The following PLEKHA6 variants were observed in gnomAD, a reference collection of about 807,000 sequenced individuals.
PLEKHA6 encodes pleckstrin homology domain-containing family A member 6.
PLEKHA6 carries 60 observed loss-of-function variants against 116.7 expected under a neutral mutation model. The observed-to-expected ratio is 0.51, with a 90% confidence interval of 0.42 to 0.64. The LOEUF (loss-of-function observed/expected upper bound fraction) is 0.64, where lower values mean the gene tolerates loss of function less well. Among genes scored for constraint, PLEKHA6 ranks in the 30% least tolerant of loss-of-function variants. The pLI is 0.00. For missense variants in PLEKHA6, 1,338 were observed against 1,422.7 expected (o/e 0.94, Z 0.96); for synonymous variants, 489 against 556.1 (o/e 0.88, Z 1.70).
At chr1:204,267,816 G>A (rs911624875) in intron 4 of PLEKHA6, among the ~76,000 whole-genome samples, 1 of 152,176 alleles carries the variant, frequency 6.6e-6, no homozygotes, top group African/African-American at 2.4e-5. Context: ...GTGAGTGGAA[G>A]GGCAGGCAGG....
chr1:204,302,354 A>C lies in PLEKHA6; in HGVS notation c.-94-27545T>G, dbSNP rs1670899628. Among the ~76,000 whole-genome samples the C allele has an allele frequency of 1.3e-5, 2 of 152,168 alleles. 1 individual carries two copies. Among genetic ancestry groups the C allele is most frequent in the Admixed American group, 1.3e-4 (2 of 15,274 alleles). On this transcript the variant is annotated intron_variant, in intron 1 of 22. Transcript: ENST00000272203. ...CCAGGAATATCCTTGTTGACCTTGCATGTGTCATGTTGCCCAGGCTGGTCT... is the reference window on the plus strand; with the variant it reads ...CCAGGAATATCCTTGTTGACCTTGCCTGTGTCATGTTGCCCAGGCTGGTCT...
rs1184979092 is a variant in PLEKHA6 at position 204,259,188 on chromosome 1, C to T, written c.1007+70G>A. On this transcript the variant is annotated intron_variant, in intron 8 of 22. Coordinates refer to ENST00000272203, the MANE Select transcript of PLEKHA6 (RefSeq NM_014935.5). The surrounding 1 kb of genome is among the most constrained non-coding windows in gnomAD (Gnocchi z 4.6). ...TTTCCAACAGGGGATGCCTCGTGGG[C>T]TATGACCCCACTCGCACGCTCTAGC... 7 of 1,526,288 alleles carry T rather than the reference C, an allele frequency of 4.6e-6. No individual in the cohort carries two copies. The highest frequency in any genetic ancestry group is 2.3e-5 in the East Asian group (1 of 44,034). The allele number at this position is 1,526,288 out of a possible 1,614,324, so 94.5% of individuals were successfully genotyped here. A position where few individuals can be genotyped will look rare whatever the true frequency, so the allele number is the denominator to read the frequency against.
rs1253196599 is a variant in PLEKHA6, at chr1:204,222,601, G to A, written c.*187C>T. 2 of 152,756 alleles carry A rather than the reference G, an allele frequency of 1.3e-5. No homozygotes were observed. Among genetic ancestry groups the A allele is most frequent in the African/African-American group, 2.4e-5 (1 of 41,480 alleles). The allele number at this position is 152,756 out of a possible 1,614,324, so 9.5% of individuals were successfully genotyped here. A position where few individuals can be genotyped will look rare whatever the true frequency, so the allele number is the denominator to read the frequency against. ...TGGGCATGGTGGGTGTGTGGACACT[G>A]AGGTATCCACGGTCCTCTGGCAGCA... On this transcript the variant is annotated 3_prime_UTR_variant, in exon 23 of 23. Transcript: ENST00000272203.
At chr1:204,345,635 C>T (rs1170946340) in intron 1 of PLEKHA6, among the ~76,000 whole-genome samples, 3 of 152,122 alleles carry the variant, frequency 2.0e-5, no homozygotes, top group Non-Finnish European at 4.4e-5. Flanking sequence ...GCCTCACCCA[C>T]AGCACAAGTA....
chr1:204,279,020 T>G (rs935748465), intron 1 of PLEKHA6, among the ~76,000 whole-genome samples: 77 of 152,264 alleles, frequency 5.1e-4, no homozygotes, highest in African/African-American at 1.8e-3. Flanking sequence ...GCCCCCTCAC[T>G]CAGCTTCCCT....
intron 1 of PLEKHA6, among the ~76,000 whole-genome samples, chr1:204,341,845 A>G (rs1445009705): frequency 1.3e-5 from 2 of 152,238 alleles, no homozygotes; most frequent in African/African-American, 2.4e-5. Context: ...GCTCAAGAGT[A>G]TGTTACTAAT....
intron 1 of PLEKHA6, among the ~76,000 whole-genome samples, chr1:204,321,328 G>A (rs114343543): frequency 1.6e-4 from 25 of 152,108 alleles, no homozygotes; most frequent in African/African-American, 5.8e-4. Flanking sequence ...AGGAAAGGAC[G>A]CAAATTGATT....
chr1:204,308,063 T>C (rs950531519), intron 1 of PLEKHA6, among the ~76,000 whole-genome samples: 7 of 152,240 alleles, frequency 4.6e-5, no homozygotes, highest in Admixed American at 4.6e-4. Context: ...ATCCTTCTTA[T>C]GGAGCTCCCC....
intron 1 of PLEKHA6, among the ~76,000 whole-genome samples, chr1:204,292,851 C>T (rs1484610076): frequency 6.6e-6 from 1 of 152,178 alleles, no homozygotes; most frequent in African/African-American, 2.4e-5. Flanking sequence ...TAAAAAACAA[C>T]CAAATGCCAC....
At chr1:204,322,693 G>A (rs995965992) in intron 1 of PLEKHA6, among the ~76,000 whole-genome samples, 47 of 152,080 alleles carry the variant, frequency 3.1e-4, no homozygotes, top group South Asian at 6.2e-4. Context: ...GGTCTACTCT[G>A]CACCAGCCAT....
At position 204,291,519 on chromosome 1, in the gene PLEKHA6, C is replaced by A. The variant is rs577646269; in HGVS notation, c.-94-16710G>T. Among the ~76,000 whole-genome samples the A allele has an allele frequency of 1.0e-3, 157 of 152,300 alleles. 1 individual carries two copies. The highest frequency in any genetic ancestry group is 3.7e-3 in the African/African-American group (153 of 41,576). On this transcript the variant is annotated intron_variant, in intron 1 of 22. Coordinates refer to ENST00000272203, the MANE Select transcript of PLEKHA6 (RefSeq NM_014935.5). ...ATTTGTGACAGCCCCAAACTACAAA[C>A]AACTCAAATGTCCATGAAAACCTGG...
intron 1 of PLEKHA6, among the ~76,000 whole-genome samples, chr1:204,286,290 C>A (rs1266248645): frequency 6.6e-6 from 1 of 152,096 alleles, no homozygotes; most frequent in Non-Finnish European, 1.5e-5. Flanking sequence ...AAAGAGAGGG[C>A]CTGAGAAGGA....
chr1:204,241,524 G>C, intron 16 of PLEKHA6, 43 bp from the exon 17 acceptor site: 11 of 1,440,790 alleles, frequency 7.6e-6, no homozygotes, highest in Non-Finnish European at 1.0e-5. Flanking sequence ...TGGAGAGCAG[G>C]AAGGCAGGAA....
chr1:204,255,606 G>C, intron 9 of PLEKHA6: 1 of 702,636 alleles, frequency 1.4e-6, no homozygotes, highest in Non-Finnish European at 2.6e-6. Context: ...GATGATAAGG[G>C]GGGCACCAGC....
chr1:204,353,320 C>T (rs143878145), intron 1 of PLEKHA6, among the ~76,000 whole-genome samples: 4 of 152,340 alleles, frequency 2.6e-5, no homozygotes, highest in Non-Finnish European at 5.9e-5. Flanking sequence ...ACTGCCCTCA[C>T]CCAAGGCTTT....
intron 6 of PLEKHA6, among the ~76,000 whole-genome samples, chr1:204,262,958 G>A (rs1238099509): frequency 6.6e-6 from 1 of 152,186 alleles, no homozygotes; most frequent in South Asian, 2.1e-4. Context: ...CACACAGGCA[G>A]GGCTCGTGGG....
At chr1:204,272,465 C>CCTTCCTTTT (rs1368704104) in intron 3 of PLEKHA6, among the ~76,000 whole-genome samples, 4 of 152,216 alleles carry the variant, frequency 2.6e-5, no homozygotes, top group African/African-American at 4.8e-5. Context: ...CCATTCCCTA[C>CCTTCCTTTT]CCTTCCATTT....
At chr1:204,357,090 C>T (rs867770075) in intron 1 of PLEKHA6, among the ~76,000 whole-genome samples, 6 of 152,156 alleles carry the variant, frequency 3.9e-5, no homozygotes, top group Non-Finnish European at 7.4e-5. Flanking sequence ...TTTATGACCA[C>T]GTAAAAGAGA....
intron 15 of PLEKHA6, among the ~76,000 whole-genome samples, chr1:204,244,368 C>T (rs1025236198): frequency 4.6e-5 from 7 of 151,180 alleles, no homozygotes; most frequent in African/African-American, 1.7e-4. Context: ...GTCTCTATAT[C>T]CTGACCTAGC....
Sources: allele counts gnomAD v4.1 joint callset (sites outside exome capture counted in the v4.1 genomes callset), GRCh38; gene constraint gnomAD v4.1.1; non-coding constraint Gnocchi (gnomAD v3.1); transcripts MANE v1.5; gene names NCBI Gene and HGNC (gene_info 2026-07-23, HGNC 2026-07-21).